Variants in ALAS2 observed in about 807,000 individuals in gnomAD.
The protein encoded by ALAS2 is 5-aminolevulinate synthase, erythroid-specific, mitochondrial.
ALAS2 carries 3 observed loss-of-function variants against 33.7 expected under a neutral mutation model. That is an observed-to-expected ratio of 0.09 (90% CI 0.04 to 0.23). The LOEUF is 0.23. Among genes scored for constraint, ALAS2 ranks in the 10% least tolerant of loss-of-function variants. The pLI is 1.00. For missense variants in ALAS2, 304 were observed against 475.1 expected (o/e 0.64, Z 3.35); for synonymous variants, 191 against 177.3 (o/e 1.08, Z -0.61).
chrX:55,013,512 C>T lies in ALAS2; in HGVS notation c.1574G>A (p.Ser525Asn), dbSNP rs1602244504. 1.7e-6 allele frequency: 2 copies of T among 1,209,058 alleles called. No homozygotes were observed. The highest frequency in any genetic ancestry group is 3.5e-5 in the African/African-American group (2 of 57,025). Residue 525 changes from serine to asparagine, a missense_variant, in exon 10 of 11, where the codon AGC becomes AAC. Coordinates refer to ENST00000650242, the MANE Select transcript of ALAS2 (RefSeq NM_000032.5). ...LLRLAPSPHHSPQMMEDFVEK... is the reference protein window; with the variant it reads ...LLRLAPSPHHNPQMMEDFVEK... ...CACAAAATCTTCCATCATCTGAGGG[C>T]TGTGGTGGGGGGAGGGTGCCAAGCG... is the stretch of plus-strand genomic sequence containing the variant.
intron 3 of ALAS2, 78 bp downstream of exon 3, chrX:55,024,640 T>C (rs1935859472): frequency 8.5e-7 from 1 of 1,178,800 alleles, no homozygotes; most frequent in Middle Eastern, 2.5e-4. Context: ...GCTTTTGTAT[T>C]AGCCTAGCTC....
At chrX:55,027,683 C>A (rs1264129903) in intron 1 of ALAS2, 1 of 1,080,384 alleles carries the variant, frequency 9.3e-7, no homozygotes. Context: ...CATGGCCCTG[C>A]CCTCATATGG....
chrX:55,009,480 T>C, intron 10 of ALAS2, 137 bp from the exon 11 acceptor site: 2 of 583,551 alleles, frequency 3.4e-6, no homozygotes, highest in Non-Finnish European at 2.7e-6. Flanking sequence ...GCCTACTGTT[T>C]GCTTCTGTGT....
At chrX:55,023,191 G>GGGGT (rs1338997183) in intron 4 of ALAS2, among the ~76,000 whole-genome samples, 2 of 98,695 alleles carry the variant, frequency 2.0e-5, no homozygotes, top group African/African-American at 7.4e-5. Flanking sequence ...GAGAGCAGAG[G>GGGGT]GTGTGTGTGT....
chrX:55,024,443 G>A (rs770759916), intron 3 of ALAS2, among the ~76,000 whole-genome samples: 1 of 111,896 alleles, frequency 8.9e-6, no homozygotes, highest in Non-Finnish European at 1.9e-5. Context: ...GTTGGGATCA[G>A]TTTAGCCACC....
At chrX:55,012,820 C>T (rs1935625266) in intron 10 of ALAS2, among the ~76,000 whole-genome samples, 1 of 111,684 alleles carries the variant, frequency 9.0e-6, no homozygotes, top group African/African-American at 3.3e-5. Flanking sequence ...AACAAACAAA[C>T]AAAAACAAAA....
intron 1 of ALAS2, 76 bp from the exon 2 acceptor site, chrX:55,026,091 A>G (rs777835582): frequency 2.0e-6 from 2 of 987,928 alleles, no homozygotes; most frequent in Non-Finnish European, 1.4e-6. Context: ...CCTCGTCTTC[A>G]GCTTCCCACC....
intron 6 of ALAS2, among the ~76,000 whole-genome samples, chrX:55,019,485 G>A (rs957297763): frequency 9.0e-6 from 1 of 110,819 alleles, no homozygotes; most frequent in East Asian, 2.8e-4. Flanking sequence ...TGGGGAGGAG[G>A]GGGTGTGGGA....
Position 55,025,827 on chromosome X carries a change from A to C in ALAS2, c.174T>G (p.Ala58=). 1.7e-6 allele frequency: 2 copies of C among 1,211,475 alleles called. No individual in the cohort carries two copies. The highest frequency in any genetic ancestry group is 3.5e-5 in the South Asian group (2 of 56,960). ...CTAGCAGCCTCTTCTTACCTCCTCCAGCCTTTGTTGCCTTAAGGTGGATTT... is the reference window on the plus strand; with the variant it reads ...CTAGCAGCCTCTTCTTACCTCCTCCCGCCTTTGTTGCCTTAAGGTGGATTT... The part of the protein sequence containing the change: ...CSQIHLKATK[A]GGDSPSWAKG... The change falls in exon 2 of 11, where the codon GCT becomes GCG. Residue 58 remains alanine (A), a synonymous_variant. Coordinates refer to ENST00000650242, the MANE Select transcript of ALAS2 (RefSeq NM_000032.5).
At chrX:55,017,184 A>G (rs1935715934) in intron 7 of ALAS2, among the ~76,000 whole-genome samples, 1 of 111,890 alleles carries the variant, frequency 8.9e-6, no homozygotes, top group South Asian at 3.7e-4. Context: ...TTCTTTACCT[A>G]TAAGATGAAT....
Position 55,020,339 on chromosome X carries a change from G to A in ALAS2, c.804C>T (p.Thr268=). ...GCTTACCTGGCAGGATCTTGGCCAAGGTGAAGAGAGTAGAGTCATTGGCAA... is the reference window on the plus strand; with the variant it reads ...GCTTACCTGGCAGGATCTTGGCCAAAGTGAAGAGAGTAGAGTCATTGGCAA... ...CFVANDSTLF[T]LAKILPGCEI... Residue 268 remains threonine (T), a synonymous_variant, in exon 6 of 11, where the codon ACC becomes ACT. Transcript: ENST00000650242. 1 of 1,209,527 alleles carries A rather than the reference G, an allele frequency of 8.3e-7. No individual in the cohort carries two copies. Among genetic ancestry groups the A allele is most frequent in the Non-Finnish European group, 1.1e-6 (1 of 894,649 alleles).
At chrX:55,015,781 C>A in intron 7 of ALAS2, 39 bp from the exon 8 acceptor site, 3 of 1,196,255 alleles carry the variant, frequency 2.5e-6, no homozygotes, top group Non-Finnish European at 3.4e-6. Context: ...ACATCATAAC[C>A]CTTCCCCAGC....
At chrX:55,015,849 G>T in intron 7 of ALAS2, 107 bp from the exon 8 acceptor site, 3 of 911,550 alleles carry the variant, frequency 3.3e-6, no homozygotes, top group Non-Finnish European at 4.7e-6. Flanking sequence ...AAAGGGTGTT[G>T]TAGAGAGGAA....
At chrX:55,024,882 C>T (rs374704188) in intron 2 of ALAS2, 42 bp from the exon 3 acceptor site, 17 of 1,204,915 alleles carry the variant, frequency 1.4e-5, no homozygotes, top group East Asian at 1.2e-4. Context: ...CATTTCTAGT[C>T]ATAAGTTCAG....
Position 55,013,544 on chromosome X carries a change from C to T in ALAS2, c.1542G>A (p.Glu514=), listed in dbSNP as rs200906960. ...GGGGGGAGGGTGCCAAGCGCAGGAG[C>T]TCTTCACCCCGGGGGACAGTTGGGT... is the stretch of plus-strand genomic sequence containing the variant. ...INYPTVPRGE[E]LLRLAPSPHH... Residue 514 remains glutamate (E), a synonymous_variant, in exon 10 of 11, where the codon GAG becomes GAA. Coordinates refer to ENST00000650242, the MANE Select transcript of ALAS2 (RefSeq NM_000032.5). The T allele has an allele frequency of 1.7e-6, 2 of 1,211,412 alleles. No individual in the cohort carries two copies. Among genetic ancestry groups the T allele is most frequent in the East Asian group, 3.0e-5 (1 of 33,843 alleles).
Position 55,025,881 on chromosome X carries a change from G to A in ALAS2, c.120C>T (p.Ile40=), listed in dbSNP as rs1297057453. Reference sequence around the variant, plus strand: ...AACAGTTTGGTCCTTGGGTAGCCAGGATGGGACAGCGTCCAATACCAAACA... The same window carrying A: ...AACAGTTTGGTCCTTGGGTAGCCAGAATGGGACAGCGTCCAATACCAAACA... ...QFLFGIGRCP[I]LATQGPNCSQ... The change falls in exon 2 of 11, where the codon ATC becomes ATT. Residue 40 remains isoleucine (I), a synonymous_variant. Coordinates refer to ENST00000650242, the MANE Select transcript of ALAS2 (RefSeq NM_000032.5). 3.3e-6 allele frequency: 4 copies of A among 1,209,783 alleles called. No homozygotes were observed. The highest frequency in any genetic ancestry group is 4.5e-6 in the Non-Finnish European group (4 of 895,231).
intron 9 of ALAS2, among the ~76,000 whole-genome samples, chrX:55,014,531 A>G (rs1404834148): frequency 8.9e-6 from 1 of 112,588 alleles, no homozygotes; most frequent in Non-Finnish European, 1.9e-5. Flanking sequence ...GGTTAGGATA[A>G]TCTAATAAGC....
intron 10 of ALAS2, among the ~76,000 whole-genome samples, chrX:55,012,693 A>T (rs943148070): frequency 2.7e-5 from 3 of 112,214 alleles, no homozygotes; most frequent in Non-Finnish European, 3.8e-5. Flanking sequence ...AGGCTGAGGC[A>T]GGAGAATTGC....
chrX:55,016,193 A>C (rs889331810), intron 7 of ALAS2, among the ~76,000 whole-genome samples: 2 of 110,779 alleles, frequency 1.8e-5, no homozygotes, highest in African/African-American at 3.3e-5. Flanking sequence ...TTTGCACCCC[A>C]AAAATAGGTA....
Sources: gnomAD v4.1 joint callset for allele counts (sites outside exome capture counted in the v4.1 genomes callset) on GRCh38, gnomAD v4.1.1 for gene constraint, MANE v1.5 for transcripts, NCBI Gene and HGNC (gene_info 2026-07-23, HGNC 2026-07-21) for gene names.